The following ZDHHC21 variants were observed in gnomAD, a reference collection of about 807,000 sequenced individuals.
The protein encoded by ZDHHC21 is palmitoyltransferase ZDHHC21.
In ZDHHC21, 15 loss-of-function variants were observed where a neutral mutation model predicts 34.6. The observed-to-expected ratio is 0.43, with a 90% CI of 0.29 to 0.67. ZDHHC21 has a LOEUF of 0.67. Ranked by LOEUF, ZDHHC21 falls within the 30% of genes least tolerant of loss-of-function variation. ZDHHC21 has a pLI of 0.14. For missense variants in ZDHHC21, 344 were observed against 327.7 expected (o/e 1.05, Z -0.38); for synonymous variants, 142 against 101.8 (o/e 1.40, Z -2.38).
At chr9:14,628,701 C>G (rs935032329) in intron 8 of ZDHHC21, among the ~76,000 whole-genome samples, 2 of 151,972 alleles carry the variant, frequency 1.3e-5, no homozygotes, top group African/African-American at 4.8e-5. Flanking sequence ...TCCATGGATT[C>G]GAATTATGAC....
intron 8 of ZDHHC21, among the ~76,000 whole-genome samples, chr9:14,630,142 T>C (rs1827076456): frequency 6.6e-6 from 1 of 152,240 alleles, no homozygotes; most frequent in African/African-American, 2.4e-5. Context: ...TGCAATTTGA[T>C]AGCACTTTAC....
chr9:14,678,115 C>A (rs1030253659), intron 3 of ZDHHC21, among the ~76,000 whole-genome samples: 5 of 152,096 alleles, frequency 3.3e-5, no homozygotes, highest in African/African-American at 1.2e-4. Context: ...ACTCAGACTT[C>A]AAGGCCAATT....
chr9:14,672,904 C>G lies in ZDHHC21; in HGVS notation c.179G>C (p.Cys60Ser). The G allele has an allele frequency of 1.2e-6, 2 of 1,602,750 alleles. No individual in the cohort carries two copies. The highest frequency in any genetic ancestry group is 1.7e-6 in the Non-Finnish European group (2 of 1,172,704). ...GGAGGCCCTCACTAAGGCAACCAGA[C>G]AGAATATGGAAATGCCATAGAATAC... ...IIIFYGISIF[C>S]LVALVRASIT... Residue 60 changes from cysteine to serine, a missense_variant, in exon 5 of 10, where the codon TGT (cysteine) becomes TCT (serine). Transcript: ENST00000380916.
At chr9:14,671,649 A>C (rs72704958) in intron 5 of ZDHHC21, among the ~76,000 whole-genome samples, 20,261 of 152,044 alleles carry the variant, frequency 0.13, 1,749 homozygotes, top group East Asian at 0.35. Flanking sequence ...TATGTCAAAA[A>C]ACATGGCTCT....
Position 14,613,042 on chromosome 9 carries a change from T to C in ZDHHC21, c.*5924A>G. The C allele has an allele frequency of 6.6e-6, 1 of 151,886 alleles. No individual in the cohort carries two copies. The highest frequency in any genetic ancestry group is 1.9e-4 in the East Asian group (1 of 5,186). The allele number at this position is 151,886 out of a possible 1,614,324, so 9.4% of individuals were successfully genotyped here. A position where few individuals can be genotyped will look rare whatever the true frequency, so the allele number is the denominator to read the frequency against. The stretch of plus-strand genomic sequence containing the variant: ...CAGAAATAAAACAACTTGTGAAAAG[T>C]GCTTCAATTATCTTTTGTAATTTCA... On this transcript the variant is annotated 3_prime_UTR_variant, in exon 10 of 10. Coordinates refer to ENST00000380916, the MANE Select transcript of ZDHHC21 (RefSeq NM_178566.6).
At chr9:14,636,386 AAC>A (rs1828308104) in intron 8 of ZDHHC21, among the ~76,000 whole-genome samples, 1 of 152,228 alleles carries the variant, frequency 6.6e-6, no homozygotes, top group East Asian at 1.9e-4. Flanking sequence ...ATATGCACCC[AAC>A]ACCAGAGTAC....
Position 14,623,205 on chromosome 9 carries a change from A to T in ZDHHC21, c.622-3523T>A, listed in dbSNP as rs141696020. On this transcript the variant is annotated intron_variant, in intron 8 of 9. Coordinates refer to ENST00000380916, the MANE Select transcript of ZDHHC21 (RefSeq NM_178566.6). ...ATTACATCAAACAAAAAAGCTCTGCATAGCAAAGGAAACAACATAGTGAAT... is the reference window on the plus strand; with the variant it reads ...ATTACATCAAACAAAAAAGCTCTGCTTAGCAAAGGAAACAACATAGTGAAT... 8.6e-4 allele frequency among the ~76,000 whole-genome samples: 130 copies of T among 152,010 alleles called. 1 individual carries two copies. Among genetic ancestry groups the T allele is most frequent in the Non-Finnish European group, 1.6e-3 (109 of 67,952 alleles).
chr9:14,628,745 C>A (rs1418923360), intron 8 of ZDHHC21, among the ~76,000 whole-genome samples: 1 of 152,138 alleles, frequency 6.6e-6, no homozygotes, highest in African/African-American at 2.4e-5. Context: ...TTCTTGTAAT[C>A]TTAATTTTAT....
chr9:14,659,192 G>T (rs566515073), intron 6 of ZDHHC21, among the ~76,000 whole-genome samples: 1 of 152,240 alleles, frequency 6.6e-6, no homozygotes, highest in East Asian at 1.9e-4. Flanking sequence ...GGGAACAAAG[G>T]AGCTAAGCCT....
At chr9:14,682,158 T>A (rs543312591) in intron 2 of ZDHHC21, among the ~76,000 whole-genome samples, 1 of 152,154 alleles carries the variant, frequency 6.6e-6, no homozygotes, top group Non-Finnish European at 1.5e-5. Flanking sequence ...CCAGCTAACA[T>A]CATAATGACA....
chr9:14,667,466 T>C (rs1315633385), intron 5 of ZDHHC21, among the ~76,000 whole-genome samples: 4 of 150,792 alleles, frequency 2.7e-5, no homozygotes, highest in Admixed American at 1.3e-4. Flanking sequence ...TTCCAATCAA[T>C]AGAAAAAGAG....
In ZDHHC21 at chr9:14,611,795, T is replaced by C. The variant is rs1202103659; in HGVS notation, c.*7171A>G. The stretch of plus-strand genomic sequence containing the variant: ...TCCTTGCAAGAGCCTAGCTTTGTCC[T>C]CCCGTGTTAGACTCACAATTCACTT... On this transcript the variant is annotated 3_prime_UTR_variant, in exon 10 of 10. Coordinates refer to ENST00000380916, the MANE Select transcript of ZDHHC21 (RefSeq NM_178566.6). 6.6e-6 allele frequency: 1 copy of C among 152,064 alleles called. No homozygotes were observed. The highest frequency in any genetic ancestry group is 1.5e-5 in the Non-Finnish European group (1 of 67,964). The allele number at this position is 152,064 out of a possible 1,614,324, so 9.4% of individuals were successfully genotyped here. A position where few individuals can be genotyped will look rare whatever the true frequency, so the allele number is the denominator to read the frequency against.
intron 5 of ZDHHC21, among the ~76,000 whole-genome samples, chr9:14,665,512 T>A (rs1466271991): frequency 6.6e-6 from 1 of 151,564 alleles, no homozygotes; most frequent in Non-Finnish European, 1.5e-5. Flanking sequence ...ACAAAGATAC[T>A]CCCCAAGAAG....
chr9:14,652,264 C>T (rs1436684471), intron 7 of ZDHHC21, among the ~76,000 whole-genome samples: 1 of 151,764 alleles, frequency 6.6e-6, no homozygotes, highest in Non-Finnish European at 1.5e-5. Flanking sequence ...ATAGTAAATA[C>T]TAATTCTTTT....
At chr9:14,623,488 C>A (rs1825670592) in intron 8 of ZDHHC21, among the ~76,000 whole-genome samples, 3 of 151,546 alleles carry the variant, frequency 2.0e-5, no homozygotes, top group Admixed American at 1.3e-4. Context: ...ATGATCATGC[C>A]ACTGCACTCC....
intron 5 of ZDHHC21, among the ~76,000 whole-genome samples, chr9:14,669,196 A>G (rs1397610002): frequency 2.6e-4 from 35 of 137,052 alleles, no homozygotes; most frequent in African/African-American, 8.8e-4. Flanking sequence ...GGCGAAGGAC[A>G]TGAACAGACA....
chr9:14,648,758 C>A (rs1359246049), intron 7 of ZDHHC21, among the ~76,000 whole-genome samples: 2 of 151,994 alleles, frequency 1.3e-5, no homozygotes, highest in East Asian at 1.9e-4. Flanking sequence ...ATAATATGTA[C>A]TGAATGACTT....
At chr9:14,628,781 A>C (rs1826778862) in intron 8 of ZDHHC21, among the ~76,000 whole-genome samples, 1 of 152,196 alleles carries the variant, frequency 6.6e-6, no homozygotes, top group Non-Finnish European at 1.5e-5. Context: ...TTATTTTATA[A>C]AGTAAGCATC....
At chr9:14,673,598 G>A (rs1835853920) in intron 4 of ZDHHC21, among the ~76,000 whole-genome samples, 1 of 151,148 alleles carries the variant, frequency 6.6e-6, no homozygotes, top group African/African-American at 2.4e-5. Flanking sequence ...TGACTGCATA[G>A]TACCGGTCAG....
Sources: gnomAD v4.1 joint callset for allele counts (sites outside exome capture counted in the v4.1 genomes callset) on GRCh38, gnomAD v4.1.1 for gene constraint, MANE v1.5 for transcripts, NCBI Gene and HGNC (gene_info 2026-07-23, HGNC 2026-07-21) for gene names.